NLRC5: variants seen among roughly 807,000 people sequenced by gnomAD.
The protein encoded by NLRC5 is protein NLRC5.
A neutral mutation model predicts 206.9 loss-of-function variants in NLRC5; 114 were observed. The observed-to-expected ratio is 0.55, with a 90% CI of 0.47 to 0.64. The LOEUF is 0.64. NLRC5 is among the 30% of genes least tolerant of loss of function. The pLI is 0.00. For missense variants in NLRC5, 2,008 were observed against 2,305.5 expected, an observed-to-expected ratio of 0.87 and a Z score of 2.64; for synonymous variants, 952 against 962.8, an observed-to-expected ratio of 0.99 and a Z score of 0.21.
At chr16:57,041,956 C>G in intron 18 of NLRC5, 26 bp from the exon 19 acceptor site, 2 of 1,519,698 alleles carry the variant, frequency 1.3e-6, no homozygotes, top group Non-Finnish European at 1.8e-6. Context: ...TGCTAATGTT[C>G]TCCCCTCCCT....
intron 1 of NLRC5, among the ~76,000 whole-genome samples, chr16:57,012,145 C>G (rs763822410): frequency 1.3e-5 from 2 of 152,314 alleles, no homozygotes; most frequent in Non-Finnish European, 2.9e-5. Flanking sequence ...TAGAATCATA[C>G]AATACGTGAT....
intron 16 of NLRC5, among the ~76,000 whole-genome samples, chr16:57,040,255 G>A (rs1263098875): frequency 6.6e-6 from 1 of 152,204 alleles, no homozygotes; most frequent in Non-Finnish European, 1.5e-5. Context: ...CCTAGCGCAT[G>A]GGTAGAGACT....
At chr16:57,065,489 G>A (rs1248273637) in intron 33 of NLRC5, among the ~76,000 whole-genome samples, 191 bp downstream of exon 33, 4 of 152,178 alleles carry the variant, frequency 2.6e-5, no homozygotes, top group Admixed American at 1.3e-4. Flanking sequence ...CAGTAGTCAA[G>A]CCACAGTGTC....
intron 39 of NLRC5, chr16:57,076,009 G>A: frequency 5.4e-6 from 1 of 184,308 alleles, no homozygotes; most frequent in South Asian, 6.8e-5. Flanking sequence ...TGCCTCCTGG[G>A]TTCAAGCGAT....
At chr16:57,081,471 C>A in intron 47 of NLRC5, 56 bp from the exon 48 acceptor site, 1 of 1,531,716 alleles carries the variant, frequency 6.5e-7, no homozygotes, top group African/African-American at 1.4e-5. Flanking sequence ...GAAACTCTCA[C>A]ACCCATTCTC....
chr16:57,069,762 C>T, intron 36 of NLRC5, 74 bp from the exon 37 acceptor site: 1 of 1,236,826 alleles, frequency 8.1e-7, no homozygotes, highest in South Asian at 1.3e-5. Flanking sequence ...TCCTTGCCCT[C>T]TGCCACCAGC....
chr16:57,061,839 A>T (rs1204728336), intron 32 of NLRC5, 138 bp downstream of exon 32: 2 of 1,535,452 alleles, frequency 1.3e-6, no homozygotes, highest in East Asian at 4.9e-5. Flanking sequence ...ACCCTGAGCA[A>T]ACCCTGTCCA....
At chr16:57,048,838 C>A (rs1396068434) in intron 23 of NLRC5, among the ~76,000 whole-genome samples, 1 of 152,034 alleles carries the variant, frequency 6.6e-6, no homozygotes, top group African/African-American at 2.4e-5. Flanking sequence ...CTGGCCCAGA[C>A]CTACCCTATT....
chr16:57,067,954 A>C (rs954128145), intron 36 of NLRC5, 126 bp downstream of exon 36: 8 of 737,798 alleles, frequency 1.1e-5, no homozygotes, highest in East Asian at 5.1e-5. Context: ...CACAAACCAC[A>C]GGTGGCCCTG....
Position 57,047,284 on chromosome 16 carries a change from T to C in NLRC5, c.3339-261T>C, listed in dbSNP as rs576748767. ...GGTGAGTGAGGATGGTGGCCTGGGC[T>C]CTGGAGGGGGCGGTGGGGAGGACTT... On this transcript the variant is annotated intron_variant, in intron 22 of 48. Coordinates refer to ENST00000688547, the MANE Select transcript of NLRC5 (RefSeq NM_001384950.1). 1.9e-4 allele frequency among the ~76,000 whole-genome samples: 29 copies of C among 152,014 alleles called. No individual in the cohort carries two copies. In the South Asian group the frequency reaches 2.5e-3, roughly 13 times the overall value.
rs1485999510 is a variant in NLRC5, at chr16:57,029,638, G to A, written c.2244-135G>A. 21 of 693,140 alleles carry A rather than the reference G, an allele frequency of 3.0e-5. No homozygotes were observed. In the East Asian group the frequency reaches 3.5e-4, roughly 12 times the overall value. 42.9% of individuals were successfully genotyped at this position (693,140 alleles called of 1,614,324 possible). ...CTAGCCGTGCCTGCTGGAATCCGGC[G>A]AGCAGGCCATCAGCTCTTTCTGGGC... On this transcript the variant is annotated intron_variant, in intron 8 of 48. Coordinates refer to ENST00000688547, the MANE Select transcript of NLRC5 (RefSeq NM_001384950.1).
At position 57,043,515 on chromosome 16, in the gene NLRC5, C is replaced by T. The variant is rs2063545713; in HGVS notation, c.3114C>T (p.Asn1038=). 1.2e-6 allele frequency: 2 copies of T among 1,613,738 alleles called. No individual in the cohort carries two copies. Among genetic ancestry groups the T allele is most frequent in the Admixed American group, 1.7e-5 (1 of 60,008 alleles). The change falls in exon 20 of 49, where the codon AAC becomes AAT. Residue 1038 remains asparagine, a splice_region_variant and synonymous_variant. Coordinates refer to ENST00000688547, the MANE Select transcript of NLRC5 (RefSeq NM_001384950.1). ...LPGLGALQSL[N]LSENGLSLDA... The stretch of plus-strand genomic sequence containing the variant: ...ATTGTGCCACCCCTGTGATCTCCAG[C>T]CTCAGTGAGAACGGTTTGTCCCTGG...
chr16:57,044,881 G>T (rs1018842588), intron 20 of NLRC5, among the ~76,000 whole-genome samples: 2 of 151,798 alleles, frequency 1.3e-5, no homozygotes, highest in African/African-American at 4.8e-5. Context: ...TTGCACTCCA[G>T]CCTGGGCAAC....
chr16:57,032,040 A>G (rs938828255), intron 11 of NLRC5, among the ~76,000 whole-genome samples: 1 of 151,978 alleles, frequency 6.6e-6, no homozygotes, highest in African/African-American at 2.4e-5. Context: ...TCAGAGACAG[A>G]TGTATGTATG....
Position 57,067,294 on chromosome 16 carries a change from T to C in NLRC5, c.4323-93T>C, listed in dbSNP as rs2067177892. The C allele has an allele frequency of 7.2e-6, 7 of 972,608 alleles. No homozygotes were observed. The Admixed American group carries it at 1.3e-4, about 18-fold the overall frequency. 60.2% of individuals were successfully genotyped at this position (972,608 alleles called of 1,614,324 possible). On this transcript the variant is annotated intron_variant, in intron 34 of 48. Coordinates refer to ENST00000688547, the MANE Select transcript of NLRC5 (RefSeq NM_001384950.1). ...GGACTTCATTTGATCAGCATTTATTTACCCCTACACCATAAGCTCCTTGCA... is the reference window on the plus strand; with the variant it reads ...GGACTTCATTTGATCAGCATTTATTCACCCCTACACCATAAGCTCCTTGCA...
chr16:56,993,777 C>T (rs149424852), intron 1 of NLRC5, among the ~76,000 whole-genome samples: 2 of 151,960 alleles, frequency 1.3e-5, no homozygotes, highest in East Asian at 3.9e-4. Context: ...GGTCTTTTTC[C>T]TGTTGAGTTG....
At chr16:57,038,683 C>T (rs1163218212) in intron 15 of NLRC5, among the ~76,000 whole-genome samples, 1 of 151,912 alleles carries the variant, frequency 6.6e-6, no homozygotes, top group Non-Finnish European at 1.5e-5. Flanking sequence ...TGCTGTAAAC[C>T]CAGCACTTTG....
rs114982106 is a variant in NLRC5, at chr16:57,018,025, G to C, written c.-13+837G>C. On this transcript the variant is annotated intron_variant, in intron 2 of 48. Coordinates refer to ENST00000688547, the MANE Select transcript of NLRC5 (RefSeq NM_001384950.1). Reference sequence around the variant, plus strand: ...TAAAGAGATTTGTGTCATATCCTAAGGGGATAGAACACTAATGATGGAAAC... The same window carrying C: ...TAAAGAGATTTGTGTCATATCCTAACGGGATAGAACACTAATGATGGAAAC... 2.1e-3 allele frequency among the ~76,000 whole-genome samples: 324 copies of C among 152,324 alleles called. 4 individuals carry two copies. The highest frequency in any genetic ancestry group is 7.6e-3 in the African/African-American group (314 of 41,576).
In NLRC5 at chr16:57,055,101, C is replaced by G. The variant is rs2065440579; in HGVS notation, c.3659+7C>G. ...AGGAAGGCGTGTGCTGTGGGTAAGCCCCCTTGAACCATGCCTAGGCAGCTA... is the reference window on the plus strand; with the variant it reads ...AGGAAGGCGTGTGCTGTGGGTAAGCGCCCTTGAACCATGCCTAGGCAGCTA... On this transcript the variant is annotated splice_region_variant and intron_variant, in intron 26 of 48. Transcript: ENST00000688547. The G allele has an allele frequency of 6.2e-7, 1 of 1,613,904 alleles. No homozygotes were observed. The highest frequency in any genetic ancestry group is 1.3e-5 in the African/African-American group (1 of 74,914).
Sources: allele counts gnomAD v4.1 joint callset (sites outside exome capture counted in the v4.1 genomes callset), GRCh38; gene constraint gnomAD v4.1.1; transcripts MANE v1.5; gene names NCBI Gene and HGNC (gene_info 2026-07-23, HGNC 2026-07-21).